STAG2: variants seen among roughly 807,000 people sequenced by gnomAD.
STAG2 encodes the protein cohesin subunit SA-2.
In STAG2, 14 loss-of-function variants were observed where a neutral mutation model predicts 108.1. The observed-to-expected ratio is 0.13, with a 90% CI of 0.09 to 0.20. The LOEUF is 0.20. Among genes scored for constraint, STAG2 ranks in the 10% least tolerant of loss-of-function variants. The pLI, the probability that STAG2 is intolerant of heterozygous loss-of-function variation, is 1.00. For missense variants in STAG2, 440 were observed against 940.9 expected, an observed-to-expected ratio of 0.47 and a Z score of 6.96; for synonymous variants, 307 against 302.7, an observed-to-expected ratio of 1.01 and a Z score of -0.15.
At chrX:124,023,568 A>T (rs930208005) in intron 3 of STAG2, among the ~76,000 whole-genome samples, 1 of 111,742 alleles carries the variant, frequency 8.9e-6, no homozygotes, top group African/African-American at 3.2e-5. Context: ...TCTAAGTCTC[A>T]TATCTTTGTA....
At chrX:123,988,702 C>G (rs767707737) in intron 1 of STAG2, among the ~76,000 whole-genome samples, 40 of 111,693 alleles carry the variant, frequency 3.6e-4, no homozygotes, top group Non-Finnish European at 6.0e-4. Flanking sequence ...GATTTCTTCT[C>G]TTTTTCCATT....
At chrX:123,966,163 G>T (rs1348932583) in intron 1 of STAG2, among the ~76,000 whole-genome samples, 1 of 110,517 alleles carries the variant, frequency 9.0e-6, no homozygotes, top group Non-Finnish European at 1.9e-5. Flanking sequence ...AAAGACATAG[G>T]CTATTTTAAA....
chrX:124,011,277 A>G (rs2056513719), intron 1 of STAG2, among the ~76,000 whole-genome samples: 1 of 111,832 alleles, frequency 8.9e-6, no homozygotes, highest in Non-Finnish European at 1.9e-5. Flanking sequence ...GTGTGTGTAA[A>G]CTTTGGGATT....
chrX:124,021,126 A>G (rs1180304414), intron 1 of STAG2, among the ~76,000 whole-genome samples: 1 of 112,553 alleles, frequency 8.9e-6, no homozygotes, highest in African/African-American at 3.2e-5. Flanking sequence ...CATAAAATTA[A>G]TATTTTTCTG....
At chrX:124,028,822 A>ATATATATATATATATT (rs1296806013) in intron 4 of STAG2, among the ~76,000 whole-genome samples, 2 of 38,984 alleles carry the variant, frequency 5.1e-5, no homozygotes, top group African/African-American at 2.2e-4. Context: ...ATATATATAT[A>ATATATATATATATATT]TTTTTTTTTT....
intron 28 of STAG2, among the ~76,000 whole-genome samples, chrX:124,082,454 T>A (rs1315259488): frequency 8.9e-6 from 1 of 112,205 alleles, no homozygotes; most frequent in Admixed American, 9.5e-5. Context: ...CGGACTCTCC[T>A]TCATCCTCTT....
rs1245048178 is a variant in STAG2 at position 124,101,345 on chromosome X, A to T, written c.*748A>T. The stretch of plus-strand genomic sequence containing the variant: ...TTTAAGATAAAAATGTAATGTTGTG[A>T]TATTCCTTCCAGTAATGCCACTGTA... On this transcript the variant is annotated 3_prime_UTR_variant, in exon 35 of 35. Coordinates refer to ENST00000371145, the MANE Select transcript of STAG2 (RefSeq NM_001042750.2). 6.4e-6 allele frequency: 1 copy of T among 155,134 alleles called. No homozygotes were observed. Among genetic ancestry groups the T allele is most frequent in the African/African-American group, 3.1e-5 (1 of 32,762 alleles). 12.8% of individuals were successfully genotyped at this position (155,134 alleles called of 1,213,427 possible).
chrX:124,082,899 T>TA (rs1249253666), intron 28 of STAG2, among the ~76,000 whole-genome samples: 10 of 111,430 alleles, frequency 9.0e-5, no homozygotes, highest in African/African-American at 3.3e-4. Flanking sequence ...ACATATTTGA[T>TA]AGAGTTATAA....
At chrX:124,099,675 C>T (rs2059464897) in intron 34 of STAG2, among the ~76,000 whole-genome samples, 1 of 111,788 alleles carries the variant, frequency 8.9e-6, no homozygotes, top group Non-Finnish European at 1.9e-5. Context: ...GTTCATAGAA[C>T]TTATAAGAGA....
intron 1 of STAG2, among the ~76,000 whole-genome samples, chrX:124,011,162 C>T (rs1362383103): frequency 1.8e-5 from 2 of 111,268 alleles, no homozygotes; most frequent in African/African-American, 3.3e-5. Flanking sequence ...GAATTGTTTT[C>T]TTAATTTCCT....
At chrX:124,099,262 C>T (rs2059454274) in intron 34 of STAG2, among the ~76,000 whole-genome samples, 1 of 111,847 alleles carries the variant, frequency 8.9e-6, no homozygotes, top group Admixed American at 9.5e-5. Context: ...TCGTCTTCAT[C>T]CCATACTCAA....
intron 34 of STAG2, among the ~76,000 whole-genome samples, chrX:124,098,119 A>G (rs983326156): frequency 5.4e-5 from 6 of 110,707 alleles, no homozygotes; most frequent in African/African-American, 2.0e-4. Context: ...ATAGGGGCCT[A>G]ATAGTCATTT....
intron 13 of STAG2, among the ~76,000 whole-genome samples, chrX:124,051,938 T>C (rs1033198134): frequency 8.9e-6 from 1 of 112,443 alleles, no homozygotes; most frequent in Non-Finnish European, 1.9e-5. Context: ...TCCCATTCTC[T>C]TGGCAGATTG....
At position 124,100,853 on chromosome X, in the gene STAG2, C is replaced by A; in HGVS notation, c.*256C>A. ...ATTTTATTTATGCGCTGTTAGTTGGCTTTTGAATCGATTATTTCATGCTTT... is the reference window on the plus strand; with the variant it reads ...ATTTTATTTATGCGCTGTTAGTTGGATTTTGAATCGATTATTTCATGCTTT... On this transcript the variant is annotated 3_prime_UTR_variant, in exon 35 of 35. Coordinates refer to ENST00000371145, the MANE Select transcript of STAG2 (RefSeq NM_001042750.2). 4.2e-6 allele frequency: 1 copy of A among 236,669 alleles called. No individual in the cohort carries two copies. The highest frequency in any genetic ancestry group is 7.5e-6 in the Non-Finnish European group (1 of 133,910). 19.5% of individuals were successfully genotyped at this position (236,669 alleles called of 1,213,427 possible).
chrX:124,026,231 G>C (rs2057099576), intron 4 of STAG2, among the ~76,000 whole-genome samples: 1 of 109,369 alleles, frequency 9.1e-6, no homozygotes, highest in Admixed American at 9.9e-5. Context: ...ATGTTCTGTT[G>C]GCTTTATTTT....
chrX:124,027,834 TC>T (rs760588083), intron 4 of STAG2, among the ~76,000 whole-genome samples: 3 of 111,742 alleles, frequency 2.7e-5, no homozygotes, highest in Admixed American at 9.5e-5. Flanking sequence ...CTTCCTAAAG[TC>T]TTTATGTAGA....
At chrX:124,069,343 C>T (rs1447543861) in intron 24 of STAG2, among the ~76,000 whole-genome samples, 1 of 111,830 alleles carries the variant, frequency 8.9e-6, no homozygotes, top group African/African-American at 3.2e-5. Context: ...ATGGTATAGT[C>T]AAAATGATTA....
intron 1 of STAG2, among the ~76,000 whole-genome samples, chrX:123,999,253 T>G (rs2055909647): frequency 9.0e-6 from 1 of 111,678 alleles, no homozygotes; most frequent in Non-Finnish European, 1.9e-5. Flanking sequence ...TGTCTTGTCT[T>G]TTTCTTCCCT....
intron 13 of STAG2, among the ~76,000 whole-genome samples, chrX:124,052,410 C>T (rs772809163): frequency 1.6e-4 from 18 of 112,054 alleles, no homozygotes; most frequent in Non-Finnish European, 3.4e-4. Flanking sequence ...CTAGATATTT[C>T]GTATAAGTGG....
Sources: allele counts gnomAD v4.1 joint callset (sites outside exome capture counted in the v4.1 genomes callset), GRCh38; gene constraint gnomAD v4.1.1; transcripts MANE v1.5; gene names NCBI Gene and HGNC (gene_info 2026-07-23, HGNC 2026-07-21).